Variants in PLCH1 observed in about 807,000 individuals in gnomAD.
PLCH1 encodes the protein phospholipase C eta 1.
In PLCH1, 60 loss-of-function variants were observed where a neutral mutation model predicts 126.7. The ratio of observed to expected loss-of-function variants is 0.47; its 90% CI spans 0.38 to 0.59. The LOEUF (loss-of-function observed/expected upper bound fraction) is 0.59, where lower values mean the gene tolerates loss of function less well. PLCH1 is among the 20% of genes least tolerant of loss of function. The pLI, the probability that PLCH1 is intolerant of heterozygous loss-of-function variation, is 0.00. For synonymous variants in PLCH1, 719 were observed against 734.9 expected (o/e 0.98, Z 0.35); for missense variants, 1,723 against 2,040.0 (o/e 0.84, Z 2.99).
Position 155,622,086 on chromosome 3 carries a change from G to A in PLCH1, c.80-25708C>T, listed in dbSNP as rs112842293. The stretch of plus-strand genomic sequence containing the variant: ...CTCTCTGCAGAAACCCTACAAGACA[G>A]AACAGAGTGGGGGCCAATATTCAAC... On this transcript the variant is annotated intron_variant, in intron 2 of 22. Coordinates refer to ENST00000460012, the MANE Select transcript of PLCH1 (RefSeq NM_014996.4). Among the ~76,000 whole-genome samples the A allele has an allele frequency of 9.8e-3, 1,495 of 152,330 alleles. 27 individuals carry two copies. Among genetic ancestry groups the A allele is most frequent in the African/African-American group, 0.034 (1,426 of 41,560 alleles).
intron 2 of PLCH1, among the ~76,000 whole-genome samples, chr3:155,628,209 T>C (rs1159114222): frequency 6.6e-6 from 1 of 151,998 alleles, no homozygotes; most frequent in Non-Finnish European, 1.5e-5. Flanking sequence ...TATGGCACAT[T>C]GACCTTTGAG....
intron 2 of PLCH1, among the ~76,000 whole-genome samples, chr3:155,697,960 C>A (rs1303049116): frequency 6.6e-6 from 1 of 152,100 alleles, no homozygotes; most frequent in African/African-American, 2.4e-5. Context: ...TGGAACAGGG[C>A]CTTGAATTCT....
intron 10 of PLCH1, among the ~76,000 whole-genome samples, chr3:155,547,003 CA>C (rs1283955649): frequency 6.9e-6 from 1 of 144,988 alleles, no homozygotes; most frequent in East Asian, 2.0e-4. Flanking sequence ...TCTAAAACAC[CA>C]AAAGCAGTGG....
At chr3:155,735,993 A>G (rs761555480) in intron 1 of PLCH1, among the ~76,000 whole-genome samples, 1 of 152,212 alleles carries the variant, frequency 6.6e-6, no homozygotes, top group East Asian at 1.9e-4. Context: ...TCATGAAAAT[A>G]TAAGATCTAT....
At chr3:155,526,484 TCTCATACACACA>T (rs1324417783) in intron 10 of PLCH1, among the ~76,000 whole-genome samples, 3 of 94,294 alleles carry the variant, frequency 3.2e-5, no homozygotes, top group African/African-American at 1.1e-4. Context: ...TTTCTCTCTC[TCTCATACACACA>T]CACACACACA....
At position 155,482,429 on chromosome 3, in the gene PLCH1, G is replaced by A; in HGVS notation, c.3597C>T (p.Asn1199=). ...GAGAAACAACTGTGAGAGCCTGATT[G>A]TTGGTCTCATCAAACTGGCCAATCA... ...SALIGQFDET[N]NQALTVVSHL... is the part of the protein sequence containing the mutation. The change falls in exon 23 of 23, where the codon AAC becomes AAT. Residue 1199 remains asparagine (N), a synonymous_variant. Transcript: ENST00000460012. 1.2e-6 allele frequency: 2 copies of A among 1,614,150 alleles called. No homozygotes were observed. The highest frequency in any genetic ancestry group is 1.1e-5 in the South Asian group (1 of 91,078).
intron 18 of PLCH1, among the ~76,000 whole-genome samples, chr3:155,492,107 G>A (rs897640696): frequency 6.6e-6 from 1 of 152,156 alleles, no homozygotes. Context: ...TGGTTTAATA[G>A]GCGGGAGTGA....
intron 1 of PLCH1, among the ~76,000 whole-genome samples, chr3:155,711,894 A>G (rs1747148994): frequency 6.6e-6 from 1 of 152,236 alleles, no homozygotes; most frequent in Non-Finnish European, 1.5e-5. Flanking sequence ...CCTGGCCACC[A>G]TCCTGTCAAT....
intron 10 of PLCH1, among the ~76,000 whole-genome samples, chr3:155,531,143 A>G (rs1225687496): frequency 6.6e-6 from 1 of 152,172 alleles, no homozygotes; most frequent in Non-Finnish European, 1.5e-5. Flanking sequence ...GATTTAGCAT[A>G]ATTCTTAAGA....
intron 21 of PLCH1, 79 bp from the exon 22 acceptor site, chr3:155,485,789 T>C: frequency 3.5e-6 from 3 of 854,112 alleles, no homozygotes; most frequent in Non-Finnish European, 5.4e-6. Context: ...GACAGCTCCA[T>C]GAAAAATGAA....
chr3:155,569,427 T>C (rs1308258463), intron 6 of PLCH1, among the ~76,000 whole-genome samples: 1 of 152,214 alleles, frequency 6.6e-6, no homozygotes, highest in Non-Finnish European at 1.5e-5. Context: ...GGCTGTTTTT[T>C]GTCAGTTCAA....
At position 155,497,315 on chromosome 3, in the gene PLCH1, C is replaced by T. The variant is rs776173245; in HGVS notation, c.1894+5G>A. 1.9e-6 allele frequency: 3 copies of T among 1,581,096 alleles called. No individual in the cohort carries two copies. Among genetic ancestry groups the T allele is most frequent in the Non-Finnish European group, 2.6e-6 (3 of 1,150,062 alleles). On this transcript the variant is annotated splice_donor_5th_base_variant and intron_variant, in intron 15 of 22. Coordinates refer to ENST00000460012, the MANE Select transcript of PLCH1 (RefSeq NM_014996.4). ...GAGCAGAATGAGAAAACTCTCCATCCTTACCGTCATCCACAATGTCCTGAG... is the reference window on the plus strand; with the variant it reads ...GAGCAGAATGAGAAAACTCTCCATCTTTACCGTCATCCACAATGTCCTGAG...
intron 2 of PLCH1, among the ~76,000 whole-genome samples, chr3:155,603,313 C>T (rs1733973778): frequency 6.6e-6 from 1 of 152,100 alleles, no homozygotes; most frequent in Admixed American, 6.6e-5. Context: ...GGAAAAAGTG[C>T]AAAATGATGC....
At chr3:155,582,075 CTTTTTTTTTTTTT>C (rs869254665) in intron 6 of PLCH1, among the ~76,000 whole-genome samples, 1 of 64,120 alleles carries the variant, frequency 1.6e-5, no homozygotes. Flanking sequence ...TCTTTTCTTT[CTTTTTTTTTTTTT>C]TTTTTTTTTT....
intron 2 of PLCH1, among the ~76,000 whole-genome samples, chr3:155,600,092 T>C (rs1027605583): frequency 6.6e-5 from 10 of 152,154 alleles, no homozygotes; most frequent in Admixed American, 2.6e-4. Flanking sequence ...AAAAATCAAG[T>C]CCACTGAAAT....
At chr3:155,476,101 G>C (rs896270327), downstream of PLCH1, among the ~76,000 whole-genome samples, 2 of 152,052 alleles carry the variant, frequency 1.3e-5, no homozygotes, top group Non-Finnish European at 2.9e-5. Flanking sequence ...ACATTAGAAA[G>C]ATCATTCATT....
chr3:155,576,588 A>G (rs1264641420), intron 6 of PLCH1, among the ~76,000 whole-genome samples: 2 of 152,196 alleles, frequency 1.3e-5, no homozygotes, highest in Non-Finnish European at 2.9e-5. Flanking sequence ...CAGCAGTGAT[A>G]TTTCATTTCA....
intron 2 of PLCH1, among the ~76,000 whole-genome samples, chr3:155,598,841 T>C (rs942326010): frequency 6.6e-6 from 1 of 152,144 alleles, no homozygotes; most frequent in African/African-American, 2.4e-5. Context: ...CCAAAAATGG[T>C]AGCTATTTGT....
intron 2 of PLCH1, among the ~76,000 whole-genome samples, chr3:155,650,112 TA>T (rs1386252906): frequency 2.6e-5 from 4 of 151,912 alleles, no homozygotes; most frequent in Non-Finnish European, 5.9e-5. Context: ...AACCCCCAAA[TA>T]AAACAGTCAT....
Sources: gnomAD v4.1 joint callset for allele counts (sites outside exome capture counted in the v4.1 genomes callset) on GRCh38, gnomAD v4.1.1 for gene constraint, MANE v1.5 for transcripts, NCBI Gene and HGNC (gene_info 2026-07-23, HGNC 2026-07-21) for gene names.